SLC44A3: variants seen among roughly 807,000 people sequenced by gnomAD.
SLC44A3 encodes the protein solute carrier family 44 member 3.
A neutral mutation model predicts 75.4 loss-of-function variants in SLC44A3; 74 were observed. The ratio of observed to expected loss-of-function variants is 0.98; its 90% CI spans 0.81 to 1.19. The LOEUF (loss-of-function observed/expected upper bound fraction) is 1.19, where lower values mean the gene tolerates loss of function less well. Ranked by LOEUF, SLC44A3 falls within the 50% of genes most tolerant of loss-of-function variation. The pLI is 0.00. For synonymous variants in SLC44A3, 310 were observed against 296.9 expected, an observed-to-expected ratio of 1.04 and a Z score of -0.45; for missense variants, 700 against 778.6, an observed-to-expected ratio of 0.90 and a Z score of 1.20.
At chr1:94,849,871 C>T (rs563023590) in intron 9 of SLC44A3, among the ~76,000 whole-genome samples, 2 of 152,306 alleles carry the variant, frequency 1.3e-5, no homozygotes, top group South Asian at 2.1e-4. Context: ...CCATCTCAGC[C>T]TCCCCAGTAG....
At chr1:94,840,849 C>T (rs535678874) in intron 7 of SLC44A3, among the ~76,000 whole-genome samples, 6 of 152,340 alleles carry the variant, frequency 3.9e-5, no homozygotes, top group East Asian at 3.9e-4. Flanking sequence ...ATTTCCCTCC[C>T]GGTTGCTGGA....
chr1:94,825,696 A>G, intron 3 of SLC44A3: 1 of 356,982 alleles, frequency 2.8e-6, no homozygotes, highest in Non-Finnish European at 5.5e-6. Flanking sequence ...ATCTAAATAA[A>G]TCCTGAATAT....
intron 9 of SLC44A3, among the ~76,000 whole-genome samples, chr1:94,853,729 G>T (rs1414530540): frequency 6.6e-6 from 1 of 152,208 alleles, no homozygotes. Context: ...GGCTGAGAGT[G>T]AGGATGGGAA....
rs1444792035 is a variant in SLC44A3 at position 94,894,948 on chromosome 1, G to A, written c.*26G>A. ...ATACCCATTTAGGTATCTGTACCTG[G>A]AAAACATTTCCTTCTAAGAGCCATT... On this transcript the variant is annotated 3_prime_UTR_variant, in exon 15 of 15. Coordinates refer to ENST00000271227, the MANE Select transcript of SLC44A3 (RefSeq NM_001114106.3). 6.4e-7 allele frequency: 1 copy of A among 1,559,208 alleles called. No individual in the cohort carries two copies. Among genetic ancestry groups the A allele is most frequent in the East Asian group, 2.3e-5 (1 of 42,872 alleles).
intron 12 of SLC44A3, among the ~76,000 whole-genome samples, chr1:94,882,015 A>G (rs1310850258): frequency 6.7e-6 from 1 of 149,614 alleles, no homozygotes; most frequent in East Asian, 2.0e-4. Context: ...GCGAGACTCC[A>G]TCTAAAAAAA....
intron 2 of SLC44A3, among the ~76,000 whole-genome samples, chr1:94,823,811 A>G (rs1660934020): frequency 1.3e-5 from 2 of 152,230 alleles, no homozygotes; most frequent in African/African-American, 4.8e-5. Context: ...GAAGATACAT[A>G]TTCAATCTTG....
At chr1:94,861,592 C>G (rs534746584) in intron 10 of SLC44A3, among the ~76,000 whole-genome samples, 2 of 152,278 alleles carry the variant, frequency 1.3e-5, no homozygotes, top group South Asian at 4.2e-4. Flanking sequence ...AAGAGCTCTG[C>G]TTCCTTTTTG....
intron 2 of SLC44A3, 83 bp downstream of exon 2, chr1:94,821,139 T>G: frequency 9.3e-7 from 1 of 1,073,284 alleles, no homozygotes; most frequent in African/African-American, 1.6e-5. Context: ...TAAATCGTAG[T>G]TGGTGCTGCA....
chr1:94,848,419 T>C (rs1221754372), intron 9 of SLC44A3, among the ~76,000 whole-genome samples: 2 of 152,040 alleles, frequency 1.3e-5, no homozygotes, highest in East Asian at 3.9e-4. Context: ...ACTGTAGGGC[T>C]TGAACCCTAG....
At chr1:94,871,318 G>C (rs980935734) in intron 12 of SLC44A3, among the ~76,000 whole-genome samples, 3 of 152,206 alleles carry the variant, frequency 2.0e-5, no homozygotes, top group Admixed American at 6.5e-5. Flanking sequence ...GAAAAGGCTG[G>C]TCAGGGTGGC....
intron 12 of SLC44A3, among the ~76,000 whole-genome samples, chr1:94,888,324 C>T (rs1669826490): frequency 6.6e-6 from 1 of 152,202 alleles, no homozygotes; most frequent in South Asian, 2.1e-4. Context: ...CTCATGGATT[C>T]ACCAGGGGAC....
intron 10 of SLC44A3, among the ~76,000 whole-genome samples, chr1:94,857,874 C>T (rs1016291850): frequency 1.0e-4 from 14 of 133,334 alleles, no homozygotes; most frequent in Non-Finnish European, 2.1e-4. Flanking sequence ...AGTGCAGTGG[C>T]GCGATCTTGG....
intron 13 of SLC44A3, 112 bp from the exon 14 acceptor site, chr1:94,892,169 G>A (rs1452540655): frequency 1.2e-5 from 12 of 962,144 alleles, no homozygotes; most frequent in Non-Finnish European, 1.9e-5. Flanking sequence ...CTTTACAATA[G>A]TGCACACACA....
intron 5 of SLC44A3, among the ~76,000 whole-genome samples, chr1:94,830,540 A>G (rs1661986854): frequency 6.6e-6 from 1 of 152,154 alleles, no homozygotes. Flanking sequence ...AATTCTGGTA[A>G]TTGTAAATGT....
intron 12 of SLC44A3, among the ~76,000 whole-genome samples, chr1:94,887,694 G>A (rs1248989481): frequency 1.3e-5 from 2 of 152,206 alleles, no homozygotes; most frequent in African/African-American, 4.8e-5. Flanking sequence ...CCCATGGGAA[G>A]CAAGAAGCAC....
Position 94,857,331 on chromosome 1 carries a change from T to G in SLC44A3, c.1073-4T>G, listed in dbSNP as rs762310836. ...GTAAAGCATGTTTGTGTTTGAAACT[T>G]TAGGAGCTGCCCAGGTTATGGAAGG... On this transcript the variant is annotated splice_region_variant and splice_polypyrimidine_tract_variant and intron_variant, in intron 9 of 14. Transcript: ENST00000271227. 1 of 1,596,930 alleles carries G rather than the reference T, an allele frequency of 6.3e-7. No homozygotes were observed. Among genetic ancestry groups the G allele is most frequent in the Non-Finnish European group, 8.5e-7 (1 of 1,173,804 alleles).
intron 12 of SLC44A3, among the ~76,000 whole-genome samples, chr1:94,886,106 C>T (rs574485943): frequency 4.6e-5 from 7 of 152,294 alleles, no homozygotes; most frequent in East Asian, 1.9e-4. Flanking sequence ...TGACTGCTGG[C>T]GGGTCGGTGT....
At chr1:94,871,817 G>A (rs1390236316) in intron 12 of SLC44A3, among the ~76,000 whole-genome samples, 7 of 152,336 alleles carry the variant, frequency 4.6e-5, no homozygotes, top group Non-Finnish European at 8.8e-5. Flanking sequence ...TAAAGCGTGT[G>A]TTATTAAAGC....
chr1:94,858,593 G>A (rs1666190177), intron 10 of SLC44A3, among the ~76,000 whole-genome samples: 1 of 152,214 alleles, frequency 6.6e-6, no homozygotes, highest in Non-Finnish European at 1.5e-5. Context: ...AGAAACATGA[G>A]CTTCATTGGG....
Sources: allele counts gnomAD v4.1 joint callset (sites outside exome capture counted in the v4.1 genomes callset), GRCh38; gene constraint gnomAD v4.1.1; transcripts MANE v1.5; gene names NCBI Gene and HGNC (gene_info 2026-07-23, HGNC 2026-07-21).